The following TASP1 variants were observed in gnomAD, a reference collection of about 807,000 sequenced individuals.
TASP1 encodes threonine aspartase 1.
In TASP1, 16 loss-of-function variants were observed where a neutral mutation model predicts 56.6. The ratio of observed to expected loss-of-function variants is 0.28; its 90% CI spans 0.19 to 0.43. TASP1 has a LOEUF of 0.43. Among genes scored for constraint, TASP1 ranks in the 20% least tolerant of loss-of-function variants. The pLI is 1.00. For synonymous variants in TASP1, 179 were observed against 184.2 expected (o/e 0.97, Z 0.23); for missense variants, 393 against 511.6 (o/e 0.77, Z 2.24).
chr20:13,617,293 C>T (rs1273905873), intron 4 of TASP1, among the ~76,000 whole-genome samples: 3 of 151,936 alleles, frequency 2.0e-5, no homozygotes, highest in East Asian at 3.8e-4. Flanking sequence ...AAAAAGAGCA[C>T]CTAAGGTCAA....
intron 11 of TASP1, among the ~76,000 whole-genome samples, chr20:13,435,888 T>C (rs2042985357): frequency 6.6e-6 from 1 of 152,056 alleles, no homozygotes; most frequent in East Asian, 1.9e-4. Context: ...TCAAATTGGA[T>C]TTGGTGGGAG....
At chr20:13,485,218 G>A (rs1331914273) in intron 10 of TASP1, among the ~76,000 whole-genome samples, 2 of 152,108 alleles carry the variant, frequency 1.3e-5, no homozygotes, top group African/African-American at 4.8e-5. Context: ...ATGCTGAATA[G>A]GTAAAACACT....
At chr20:13,193,954 G>T in the TASP1 span, among the ~76,000 whole-genome samples, 1 of 152,166 alleles carries the variant, frequency 6.6e-6, no homozygotes, top group South Asian at 2.1e-4. Context: ...ACCTGTAGAT[G>T]CAAGGTAGGC....
At chr20:13,441,481 G>C (rs2043210456) in intron 11 of TASP1, among the ~76,000 whole-genome samples, 1 of 152,188 alleles carries the variant, frequency 6.6e-6, no homozygotes, top group African/African-American at 2.4e-5. Flanking sequence ...TAAAGAGCAA[G>C]AAGGCCTCTT....
chr20:13,328,862 C>A, the TASP1 span, among the ~76,000 whole-genome samples: 1 of 152,038 alleles, frequency 6.6e-6, no homozygotes, highest in Non-Finnish European at 1.5e-5. Flanking sequence ...GGGCTTAATA[C>A]CTGGGTGATG....
At chr20:13,565,929 A>G (rs577694733) in intron 7 of TASP1, among the ~76,000 whole-genome samples, 1 of 152,328 alleles carries the variant, frequency 6.6e-6, no homozygotes, top group Admixed American at 6.5e-5. Context: ...TGACAACCAA[A>G]AGGTAGTGTA....
intron 8 of TASP1, among the ~76,000 whole-genome samples, chr20:13,540,124 AC>A (rs1371462732): frequency 6.6e-6 from 1 of 152,180 alleles, no homozygotes; most frequent in Non-Finnish European, 1.5e-5. Flanking sequence ...AAGATTGAGA[AC>A]CTGGGATATG....
intron 10 of TASP1, among the ~76,000 whole-genome samples, chr20:13,509,120 AGAAAGT>A (rs1204897854): frequency 1.9e-5 from 2 of 107,534 alleles, no homozygotes; most frequent in Non-Finnish European, 2.0e-5. Context: ...GAATGAATGA[AGAAAGT>A]GTGTGTGTGT....
the TASP1 span, among the ~76,000 whole-genome samples, chr20:13,361,005 C>T: frequency 3.3e-5 from 5 of 152,132 alleles, no homozygotes; most frequent in African/African-American, 7.2e-5. Flanking sequence ...GCCACTAGCC[C>T]GCCTCTTAGA....
At chr20:13,196,397 C>T in the TASP1 span, among the ~76,000 whole-genome samples, 1 of 152,124 alleles carries the variant, frequency 6.6e-6, no homozygotes, top group Non-Finnish European at 1.5e-5. Flanking sequence ...CAATTAAATT[C>T]AAATTTGGTT....
intron 10 of TASP1, among the ~76,000 whole-genome samples, chr20:13,486,366 A>T (rs1376094270): frequency 6.6e-6 from 1 of 152,200 alleles, no homozygotes; most frequent in African/African-American, 2.4e-5. Flanking sequence ...AGTAAAAAAT[A>T]CCAAGTTCTA....
chr20:13,194,727 TA>T, the TASP1 span, among the ~76,000 whole-genome samples: 1 of 152,246 alleles, frequency 6.6e-6, no homozygotes, highest in African/African-American at 2.4e-5. Context: ...GACAAAGAGA[TA>T]AAGAGATATC....
chr20:13,137,881 G>A, the TASP1 span, among the ~76,000 whole-genome samples: 1 of 152,016 alleles, frequency 6.6e-6, no homozygotes, highest in Non-Finnish European at 1.5e-5. Flanking sequence ...CCTGGCTCCT[G>A]ACTCCAAACA....
chr20:13,269,815 C>T, the TASP1 span, among the ~76,000 whole-genome samples: 1 of 152,100 alleles, frequency 6.6e-6, no homozygotes, highest in Non-Finnish European at 1.5e-5. Context: ...TTGTTTATTT[C>T]CCTCACCTTG....
chr20:13,339,298 G>A, the TASP1 span, among the ~76,000 whole-genome samples: 1 of 152,144 alleles, frequency 6.6e-6, no homozygotes, highest in African/African-American at 2.4e-5. Flanking sequence ...GATCTCCAGT[G>A]ACTAGACACA....
chr20:13,264,445 A>T, the TASP1 span, among the ~76,000 whole-genome samples: 1 of 152,072 alleles, frequency 6.6e-6, no homozygotes, highest in African/African-American at 2.4e-5. Context: ...TGCTTAGCAC[A>T]TTTTTTCCAA....
At chr20:13,169,305 G>GTATT in the TASP1 span, among the ~76,000 whole-genome samples, 4 of 152,100 alleles carry the variant, frequency 2.6e-5, no homozygotes, top group African/African-American at 9.7e-5. Flanking sequence ...CACAATGGGA[G>GTATT]TATTTACACC....
At chr20:13,466,483 G>A (rs983129744) in intron 11 of TASP1, among the ~76,000 whole-genome samples, 23 of 152,114 alleles carry the variant, frequency 1.5e-4, no homozygotes, top group African/African-American at 4.8e-4. Context: ...GTGGTGGCTT[G>A]TGCCTGTAAT....
chr20:13,400,424 A>G (rs1228846466), intron 13 of TASP1, among the ~76,000 whole-genome samples: 3 of 152,212 alleles, frequency 2.0e-5, no homozygotes, highest in African/African-American at 7.2e-5. Context: ...CACAAAAGCC[A>G]TCAATGGAAG....
Sources: gnomAD v4.1 joint callset for allele counts (sites outside exome capture counted in the v4.1 genomes callset) on GRCh38, gnomAD v4.1.1 for gene constraint, MANE v1.5 for transcripts, NCBI Gene and HGNC (gene_info 2026-07-23, HGNC 2026-07-21) for gene names.